Variants in ITGB6 observed in about 807,000 individuals in gnomAD.
ITGB6 encodes integrin beta-6.
Under a neutral mutation model 84.5 loss-of-function variants are expected in ITGB6, and 80 were observed. That is an observed-to-expected ratio of 0.95 (90% CI 0.79 to 1.14). ITGB6 has a LOEUF of 1.14. Among genes scored for constraint, ITGB6 ranks in the 50% most tolerant of loss-of-function variants. ITGB6 has a pLI of 0.00. For synonymous variants in ITGB6, 383 were observed against 354.9 expected (o/e 1.08, Z -0.89); for missense variants, 1,006 against 968.0 (o/e 1.04, Z -0.52).
intron 5 of ITGB6, among the ~76,000 whole-genome samples, chr2:160,172,961 T>C (rs1685272607): frequency 6.6e-6 from 1 of 152,200 alleles, no homozygotes; most frequent in South Asian, 2.1e-4. Context: ...TTCAGAAAAA[T>C]ATAGCTCCAC....
chr2:160,171,205 A>C (rs1685185545), intron 6 of ITGB6, among the ~76,000 whole-genome samples: 1 of 151,282 alleles, frequency 6.6e-6, no homozygotes. Context: ...CTCCCCCTGC[A>C]CCCCCACCTA....
intron 4 of ITGB6, among the ~76,000 whole-genome samples, chr2:160,182,469 G>A (rs933880168): frequency 6.6e-6 from 1 of 152,136 alleles, no homozygotes; most frequent in Non-Finnish European, 1.5e-5. Context: ...AACAATCAAA[G>A]CCTCCAAGAA....
intron 4 of ITGB6, among the ~76,000 whole-genome samples, chr2:160,181,810 C>T (rs1685689209): frequency 6.6e-6 from 1 of 152,228 alleles, no homozygotes; most frequent in Non-Finnish European, 1.5e-5. Context: ...GCATTCTTTG[C>T]TGTTCTGTAG....
intron 14 of ITGB6, 110 bp downstream of exon 14, chr2:160,107,569 G>GA (rs1170757877): frequency 4.0e-6 from 4 of 996,138 alleles, no homozygotes; most frequent in Non-Finnish European, 4.6e-6. Context: ...GAGTGGGAGA[G>GA]AAAAAATGTG....
chr2:160,140,717 C>T (rs1683967653), intron 8 of ITGB6, among the ~76,000 whole-genome samples: 1 of 152,142 alleles, frequency 6.6e-6, no homozygotes, highest in Non-Finnish European at 1.5e-5. Flanking sequence ...TCTAAGAAAA[C>T]TGAAATTTCT....
At chr2:160,199,294 A>G in intron 1 of ITGB6, 36 bp from the exon 2 acceptor site, 1 of 1,496,810 alleles carries the variant, frequency 6.7e-7, no homozygotes, top group Non-Finnish European at 9.3e-7. Flanking sequence ...GGGATTAAGT[A>G]CACTTTCAGT....
intron 14 of ITGB6, among the ~76,000 whole-genome samples, chr2:160,102,822 C>T (rs1017984676): frequency 2.0e-5 from 3 of 152,212 alleles, no homozygotes; most frequent in African/African-American, 7.2e-5. Context: ...CCCAGCTCCA[C>T]CACATGACCG....
intron 14 of ITGB6, among the ~76,000 whole-genome samples, chr2:160,104,420 C>T (rs1696832417): frequency 6.6e-6 from 1 of 152,168 alleles, no homozygotes; most frequent in African/African-American, 2.4e-5. Context: ...TACTCTATTT[C>T]GGGTGAGTGT....
chr2:160,164,559 G>A (rs1180185698), intron 7 of ITGB6, among the ~76,000 whole-genome samples: 2 of 152,084 alleles, frequency 1.3e-5, no homozygotes, highest in African/African-American at 4.8e-5. Context: ...AGCTGGGCAT[G>A]GTGGCGCACA....
chr2:160,139,440 G>A (rs1173887057), intron 8 of ITGB6, among the ~76,000 whole-genome samples: 3 of 152,082 alleles, frequency 2.0e-5, no homozygotes, highest in African/African-American at 4.8e-5. Context: ...TTTGCCAAAT[G>A]TATAGTAAAA....
At chr2:160,174,977 AGCTAT>A (rs1319552386) in intron 4 of ITGB6, among the ~76,000 whole-genome samples, 10 of 152,254 alleles carry the variant, frequency 6.6e-5, no homozygotes, top group Admixed American at 3.9e-4. Flanking sequence ...CTGCTGAGTT[AGCTAT>A]GCTGGGGGTA....
At chr2:160,119,050 T>C (rs1471267881) in intron 12 of ITGB6, among the ~76,000 whole-genome samples, 1 of 152,194 alleles carries the variant, frequency 6.6e-6, no homozygotes, top group Non-Finnish European at 1.5e-5. Context: ...TCCATGCTCA[T>C]GGGTAGGAAG....
intron 4 of ITGB6, among the ~76,000 whole-genome samples, chr2:160,183,872 A>C (rs1263344488): frequency 6.6e-6 from 1 of 152,188 alleles, no homozygotes; most frequent in Non-Finnish European, 1.5e-5. Flanking sequence ...AAACTGAACA[A>C]CATGCTACTG....
chr2:160,137,573 A>C lies in ITGB6; in HGVS notation c.1521T>G (p.Asp507Glu). ...CACCCCTTCCGCTGCAGGAGGGATG[A>C]TCTGGGGCCTCCTTGCAGGAATCTG... ...LSTDSCKEAP[D>E]HPSCSGRGDC... is the part of the protein sequence containing the mutation. The change falls in exon 10 of 15, where the codon GAT (aspartate) becomes GAG (glutamate). Residue 507 changes from aspartate (D) to glutamate (E), a missense_variant. Physicochemically the swap from Asp to Glu is conservative, Grantham distance 45. Transcript: ENST00000283249. 1 of 1,614,208 alleles carries C rather than the reference A, an allele frequency of 6.2e-7. No individual in the cohort carries two copies. Among genetic ancestry groups the C allele is most frequent in the Non-Finnish European group, 8.5e-7 (1 of 1,180,032 alleles).
At chr2:160,183,989 G>C (rs1021282970) in intron 4 of ITGB6, among the ~76,000 whole-genome samples, 1 of 152,190 alleles carries the variant, frequency 6.6e-6, no homozygotes, top group Non-Finnish European at 1.5e-5. Context: ...AGTGTTTAGA[G>C]AGAAATTTAT....
chr2:160,187,749 A>G lies in ITGB6; in HGVS notation c.593+7620T>C, dbSNP rs573632453. The stretch of plus-strand genomic sequence containing the variant: ...TTTTTCATAAAAACATATTACAGTA[A>G]TATGCAGTGGGTTTATTATTATAGT... On this transcript the variant is annotated intron_variant, in intron 4 of 14. Coordinates refer to ENST00000283249, the MANE Select transcript of ITGB6 (RefSeq NM_000888.5). Among the ~76,000 whole-genome samples, 6 of 152,336 alleles carry G rather than the reference A, an allele frequency of 3.9e-5. No individual in the cohort carries two copies. In the East Asian group the frequency reaches 1.2e-3, roughly 29 times the overall value.
Position 160,126,834 on chromosome 2 carries a change from T to G in ITGB6, c.1661-233A>C, listed in dbSNP as rs1457236. Among the ~76,000 whole-genome samples the G allele has an allele frequency of 0.64, 97,410 of 152,100 alleles. 31,675 individuals carry two copies. The highest frequency in any genetic ancestry group is 0.72 in the Admixed American group (10,976 of 15,290). On this transcript the variant is annotated intron_variant, in intron 10 of 14. Coordinates refer to ENST00000283249, the MANE Select transcript of ITGB6 (RefSeq NM_000888.5). The stretch of plus-strand genomic sequence containing the variant: ...GTCTCCTAACTGAAGATCCACTTGC[T>G]TACTTTATGTTTGTAAACCATAAAT...
At chr2:160,192,169 C>T (rs559382405) in intron 4 of ITGB6, among the ~76,000 whole-genome samples, 1 of 151,976 alleles carries the variant, frequency 6.6e-6, no homozygotes, top group Non-Finnish European at 1.5e-5. Flanking sequence ...CTAGGATAAA[C>T]AAAATGAAAG....
At position 160,143,922 on chromosome 2, in the gene ITGB6, G is replaced by A. The variant is rs550889906; in HGVS notation, c.1018-1851C>T. 3.0e-4 allele frequency among the ~76,000 whole-genome samples: 46 copies of A among 152,254 alleles called. 1 individual carries two copies. Among genetic ancestry groups the A allele is most frequent in the African/African-American group, 9.9e-4 (41 of 41,538 alleles). The stretch of plus-strand genomic sequence containing the variant: ...GGGTGAGTCCAAGCTTTCTACACCT[G>A]TGTGGAAAAATGGGTTTTGGTTTTG... On this transcript the variant is annotated intron_variant, in intron 7 of 14. Transcript: ENST00000283249.
Sources: gnomAD v4.1 joint callset for allele counts (sites outside exome capture counted in the v4.1 genomes callset) on GRCh38, gnomAD v4.1.1 for gene constraint, MANE v1.5 for transcripts, NCBI Gene and HGNC (gene_info 2026-07-23, HGNC 2026-07-21) for gene names.